JAKMIP1: variants seen among roughly 807,000 people sequenced by gnomAD.
JAKMIP1 encodes janus kinase and microtubule interacting protein 1.
In JAKMIP1, 33 loss-of-function variants were observed where a neutral mutation model predicts 113.0. The ratio of observed to expected loss-of-function variants is 0.29; its 90% CI spans 0.22 to 0.39. The LOEUF is 0.39. JAKMIP1 is among the 10% of genes least tolerant of loss of function. The pLI is 1.00. For missense variants in JAKMIP1, 813 were observed against 1,080.5 expected (o/e 0.75, Z 3.47); for synonymous variants, 480 against 459.9 (o/e 1.04, Z -0.56).
intron 3 of JAKMIP1, among the ~76,000 whole-genome samples, chr4:6,101,267 T>G (rs764936377): frequency 3.9e-5 from 6 of 152,028 alleles, no homozygotes; most frequent in Non-Finnish European, 8.8e-5. Flanking sequence ...AGAGTGTGTG[T>G]GGTGTGTGTG....
chr4:6,043,419 G>A (rs1395414306), intron 16 of JAKMIP1, among the ~76,000 whole-genome samples: 1 of 151,824 alleles, frequency 6.6e-6, no homozygotes, highest in Non-Finnish European at 1.5e-5. Context: ...CCCTGCCCTC[G>A]GCCTTCTCCA....
intron 4 of JAKMIP1, 106 bp downstream of exon 4, chr4:6,085,314 A>ATGAGTGAG (rs59774538): frequency 4.5e-6 from 4 of 884,900 alleles, no homozygotes; most frequent in East Asian, 2.6e-5. Flanking sequence ...GAATGAATGA[A>ATGAGTGAG]TGAGTGAATA....
At chr4:6,063,707 C>T (rs987540266) in intron 9 of JAKMIP1, among the ~76,000 whole-genome samples, 1 of 152,226 alleles carries the variant, frequency 6.6e-6, no homozygotes, top group African/African-American at 2.4e-5. Flanking sequence ...CCACATTTTC[C>T]TATGGCAAAT....
Position 6,188,405 on chromosome 4 carries a change from G to T in JAKMIP1, c.-148+11848C>A, listed in dbSNP as rs924051636. ...GTTCTCACAGACACCTGCACAGGAG[G>T]TTCTGATAAGGAGAGGTCCTTTCTC... On this transcript the variant is annotated intron_variant, in intron 1 of 20. Transcript: ENST00000409021. The surrounding 1 kb of genome is among the most constrained non-coding windows in gnomAD (Gnocchi z 5.8). 1.3e-5 allele frequency among the ~76,000 whole-genome samples: 2 copies of T among 152,176 alleles called. No individual in the cohort carries two copies. Among genetic ancestry groups the T allele is most frequent in the Non-Finnish European group, 2.9e-5 (2 of 68,036 alleles).
chr4:6,126,838 C>T (rs1044540719), intron 1 of JAKMIP1, among the ~76,000 whole-genome samples: 2 of 151,926 alleles, frequency 1.3e-5, no homozygotes, highest in Non-Finnish European at 2.9e-5. Flanking sequence ...ATGCACCACA[C>T]ACAGACATTA....
rs568275579 is a variant in JAKMIP1, at chr4:6,064,008, T to C, written c.1431+872A>G. ...GCCCTGAGGGCCAGCTGCCCCGGCATATCCGCACCCCCTTCCCACTCTTGC... is the reference window on the plus strand; with the variant it reads ...GCCCTGAGGGCCAGCTGCCCCGGCACATCCGCACCCCCTTCCCACTCTTGC... On this transcript the variant is annotated intron_variant, in intron 9 of 20. Transcript: ENST00000409021. This position sits in a 1 kb window ranked among gnomAD's most constrained non-coding sequence, Gnocchi z 4.3. Among the ~76,000 whole-genome samples, 6 of 152,144 alleles carry C rather than the reference T, an allele frequency of 3.9e-5. No individual in the cohort carries two copies. Among genetic ancestry groups the C allele is most frequent in the Non-Finnish European group, 7.4e-5 (5 of 68,004 alleles).
rs1004744654 is a variant in JAKMIP1 at position 6,135,774 on chromosome 4, G to T, written c.-147-22777C>A. ...CAAGCCTTCTAAGGCCCATCCCACT[G>T]GTTCTTCCCCTAAACCACACTGCCC... On this transcript the variant is annotated intron_variant, in intron 1 of 20. Transcript: ENST00000409021. The surrounding 1 kb of genome is among the most constrained non-coding windows in gnomAD (Gnocchi z 4.9). Among the ~76,000 whole-genome samples the T allele has an allele frequency of 6.6e-6, 1 of 152,024 alleles. No homozygotes were observed. Among genetic ancestry groups the T allele is most frequent in the Admixed American group, 6.5e-5 (1 of 15,280 alleles).
chr4:6,135,769 CCA>C lies in JAKMIP1; in HGVS notation c.-147-22774_-147-22773del, dbSNP rs887718166. Among the ~76,000 whole-genome samples the C allele has an allele frequency of 8.5e-5, 13 of 152,134 alleles. No individual in the cohort carries two copies. The highest frequency in any genetic ancestry group is 3.1e-4 in the African/African-American group (13 of 41,444). ...GAACCCAAGCCTTCTAAGGCCCATC[CCA>C]CTGGTTCTTCCCCTAAACCACACTG... On this transcript the variant is annotated intron_variant, in intron 1 of 20. Transcript: ENST00000409021. The surrounding 1 kb of genome is among the most constrained non-coding windows in gnomAD (Gnocchi z 4.9).
rs7657163 is a variant in JAKMIP1 at position 6,140,234 on chromosome 4, A to G, written c.-147-27237T>C. On this transcript the variant is annotated intron_variant, in intron 1 of 20. Transcript: ENST00000409021. The surrounding 1 kb of genome is among the most constrained non-coding windows in gnomAD (Gnocchi z 9.4). Reference sequence around the variant, plus strand: ...CACCCGGACATTTGGGCTGCTCCCTATTTTTCTTTTTTCCTCTTTTTTTTT... The same window carrying G: ...CACCCGGACATTTGGGCTGCTCCCTGTTTTTCTTTTTTCCTCTTTTTTTTT... Among the ~76,000 whole-genome samples, 82,603 of 149,500 alleles carry G rather than the reference A, an allele frequency of 0.55. 23,089 individuals carry two copies. The highest frequency in any genetic ancestry group is 0.66 in the African/African-American group (26,671 of 40,686).
At chr4:6,147,288 T>C (rs1439119603) in intron 1 of JAKMIP1, among the ~76,000 whole-genome samples, 7 of 152,152 alleles carry the variant, frequency 4.6e-5, no homozygotes, top group Admixed American at 2.6e-4. Flanking sequence ...TTTTGTTTTT[T>C]TGTTTTGTTT....
intron 3 of JAKMIP1, among the ~76,000 whole-genome samples, chr4:6,098,704 GAAAGAAAGAAAGAAAGAA>G (rs1560181181): frequency 4.1e-4 from 6 of 14,768 alleles, no homozygotes; most frequent in Admixed American, 1.1e-3. Flanking sequence ...AAGAAAGAAA[GAAAGAAAGAAAGAAAGAA>G]AAAGAAAGAA....
chr4:6,045,901 T>A lies in JAKMIP1; in HGVS notation c.2028+2956A>T, dbSNP rs187957646. Among the ~76,000 whole-genome samples the A allele has an allele frequency of 7.9e-5, 12 of 152,200 alleles. No individual in the cohort carries two copies. The East Asian group carries it at 2.3e-3, about 29-fold the overall frequency. ...AAAAATTAATGCCTCTAAGGGAACA[T>A]TGACATTGACTTCCACTTATTCGGA... On this transcript the variant is annotated intron_variant, in intron 16 of 20. Transcript: ENST00000409021.
At position 6,069,890 on chromosome 4, in the gene JAKMIP1, C is replaced by A. The variant is rs1718715759; in HGVS notation, c.1303-4882G>T. On this transcript the variant is annotated intron_variant, in intron 8 of 20. Coordinates refer to ENST00000409021, the MANE Select transcript of JAKMIP1 (RefSeq NM_001099433.2). This position sits in a 1 kb window ranked among gnomAD's most constrained non-coding sequence, Gnocchi z 4.5. ...GCAGAGGGAAAAAGAGGAGGTACCC[C>A]CAAAACAAATAGCCCCCCAACCAGA... 6.6e-6 allele frequency among the ~76,000 whole-genome samples: 1 copy of A among 151,892 alleles called. No homozygotes were observed. Among genetic ancestry groups the A allele is most frequent in the African/African-American group, 2.4e-5 (1 of 41,348 alleles).
At chr4:6,098,889 T>TC (rs1348392205) in intron 3 of JAKMIP1, among the ~76,000 whole-genome samples, 10 of 152,244 alleles carry the variant, frequency 6.6e-5, no homozygotes, top group Non-Finnish European at 1.5e-4. Flanking sequence ...AGATTAGTTT[T>TC]TACGCTTCTT....
intron 1 of JAKMIP1, among the ~76,000 whole-genome samples, chr4:6,152,342 T>G (rs375829546): frequency 2.6e-5 from 4 of 151,854 alleles, no homozygotes; most frequent in Admixed American, 1.3e-4. Flanking sequence ...TCCTCTTTGG[T>G]GGAGGCTGCA....
At position 6,167,888 on chromosome 4, in the gene JAKMIP1, C is replaced by T. The variant is rs1285506219; in HGVS notation, c.-148+32365G>A. On this transcript the variant is annotated intron_variant, in intron 1 of 20. Transcript: ENST00000409021. This position sits in a 1 kb window ranked among gnomAD's most constrained non-coding sequence, Gnocchi z 5.3. ...GCCAGAAATCAGAGCTGGCTAGGAC[C>T]AGTCAGGCTGACTGCGCCAGATCGC... Among the ~76,000 whole-genome samples, 4 of 152,332 alleles carry T rather than the reference C, an allele frequency of 2.6e-5. No individual in the cohort carries two copies. In the East Asian group the frequency reaches 7.7e-4, roughly 29 times the overall value.
rs1715176387 is a variant in JAKMIP1, at chr4:6,112,856, C to T, written c.-6G>A. 3 of 1,613,352 alleles carry T rather than the reference C, an allele frequency of 1.9e-6. No individual in the cohort carries two copies. Among genetic ancestry groups the T allele is most frequent in the African/African-American group, 1.3e-5 (1 of 75,062 alleles). ...CTCCGGCCTTTCTTCGACATGCTTCCCCTTGGGTCAGAGTGCTGAGATCCT... is the reference window on the plus strand; with the variant it reads ...CTCCGGCCTTTCTTCGACATGCTTCTCCTTGGGTCAGAGTGCTGAGATCCT... On this transcript the variant is annotated 5_prime_UTR_variant, in exon 2 of 21. Coordinates refer to ENST00000409021, the MANE Select transcript of JAKMIP1 (RefSeq NM_001099433.2).
At chr4:6,087,264 C>A (rs115972611) in intron 3 of JAKMIP1, among the ~76,000 whole-genome samples, 1 of 152,242 alleles carries the variant, frequency 6.6e-6, no homozygotes, top group East Asian at 1.9e-4. Flanking sequence ...CCGCCCACCC[C>A]CCAACCCTGA....
chr4:6,145,997 A>G (rs888871970), intron 1 of JAKMIP1, among the ~76,000 whole-genome samples: 3 of 152,226 alleles, frequency 2.0e-5, no homozygotes, highest in Non-Finnish European at 2.9e-5. Flanking sequence ...TTGGGGGGAC[A>G]CATTTCAGCC....
Sources: allele counts gnomAD v4.1 joint callset (sites outside exome capture counted in the v4.1 genomes callset), GRCh38; gene constraint gnomAD v4.1.1; non-coding constraint Gnocchi (gnomAD v3.1); transcripts MANE v1.5; gene names NCBI Gene and HGNC (gene_info 2026-07-23, HGNC 2026-07-21).